The following PCDH15 variants were observed in gnomAD, a reference collection of about 807,000 sequenced individuals.
PCDH15 encodes protocadherin related 15, also known as protocadherin-15.
In PCDH15, 129 loss-of-function variants were observed where a neutral mutation model predicts 178.5. The observed-to-expected ratio is 0.72, with a 90% CI of 0.63 to 0.84. The LOEUF (loss-of-function observed/expected upper bound fraction) is 0.84, where lower values mean the gene tolerates loss of function less well. PCDH15 is among the 40% of genes least tolerant of loss of function. PCDH15 has a pLI of 0.00. For synonymous variants in PCDH15, 800 were observed against 732.0 expected, an observed-to-expected ratio of 1.09 and a Z score of -1.50; for missense variants, 2,230 against 2,099.9, an observed-to-expected ratio of 1.06 and a Z score of -1.21.
At chr10:54,002,343 G>A (rs982758042) in intron 20 of PCDH15, among the ~76,000 whole-genome samples, 4 of 151,988 alleles carry the variant, frequency 2.6e-5, no homozygotes, top group African/African-American at 9.7e-5. Context: ...TAGAACAAAT[G>A]GATCTAACAG....
At chr10:54,445,515 T>C (rs1158773418) in intron 3 of PCDH15, among the ~76,000 whole-genome samples, 1 of 151,594 alleles carries the variant, frequency 6.6e-6, no homozygotes, top group East Asian at 1.9e-4. Context: ...TTTAAAAAAA[T>C]ATGTCATCAT....
Position 54,519,449 on chromosome 10 carries a change from A to T in PCDH15, c.157+8363T>A, listed in dbSNP as rs1267120114. ...AAACAGAGAGCCAAATCATGAGTGA[A>T]CTCCCATTCACAATTGCTTCAAAGA... On this transcript the variant is annotated intron_variant, in intron 3 of 37. Coordinates refer to ENST00000644397, the MANE Select transcript of PCDH15 (RefSeq NM_001384140.1). 2.0e-5 allele frequency among the ~76,000 whole-genome samples: 3 copies of T among 152,072 alleles called. No individual in the cohort carries two copies. The East Asian group carries it at 5.8e-4, about 29-fold the overall frequency.
intron 2 of PCDH15, among the ~76,000 whole-genome samples, chr10:55,136,078 C>T (rs1045250841): frequency 1.3e-5 from 2 of 152,060 alleles, no homozygotes; most frequent in Non-Finnish European, 2.9e-5. Context: ...TTTGTAACAA[C>T]TATAGAGCAA....
rs996873853 is a variant in PCDH15 at position 53,822,811 on chromosome 10, T to C, written c.4368-2581A>G. The C allele has an allele frequency of 6.2e-7, 1 of 1,613,930 alleles. No individual in the cohort carries two copies. Among genetic ancestry groups the C allele is most frequent in the Admixed American group, 1.7e-5 (1 of 59,998 alleles). On this transcript the variant is annotated intron_variant, in intron 32 of 37. Coordinates refer to ENST00000644397, the MANE Select transcript of PCDH15 (RefSeq NM_001384140.1). ...ATCATCAGTGTTTCACCTTGCCTTA[T>C]TTCCTCTTTCTCTGTCAAATTTGCC...
intron 13 of PCDH15, among the ~76,000 whole-genome samples, chr10:54,155,744 C>G (rs1590835685): frequency 6.7e-6 from 1 of 148,930 alleles, no homozygotes; most frequent in African/African-American, 2.5e-5. Context: ...TTGCAGTGAC[C>G]TGAGATCATG....
At chr10:54,298,943 G>T (rs1381903341) in intron 8 of PCDH15, among the ~76,000 whole-genome samples, 3 of 152,232 alleles carry the variant, frequency 2.0e-5, no homozygotes, top group Non-Finnish European at 4.4e-5. Context: ...TGCCCATGCT[G>T]CAATATGGAA....
intron 20 of PCDH15, among the ~76,000 whole-genome samples, chr10:54,017,539 C>T (rs2135248504): frequency 6.6e-6 from 1 of 152,166 alleles, no homozygotes; most frequent in Admixed American, 6.6e-5. Context: ...AATTCAGGAG[C>T]ATAAAACCAA....
At chr10:54,974,809 G>A (rs773022964) in intron 2 of PCDH15, among the ~76,000 whole-genome samples, 24 of 152,108 alleles carry the variant, frequency 1.6e-4, no homozygotes, top group Non-Finnish European at 3.1e-4. Flanking sequence ...ACATTGTCCT[G>A]TTAATGCATA....
intron 1 of PCDH15, among the ~76,000 whole-genome samples, chr10:54,722,836 C>T (rs1941860653): frequency 6.6e-6 from 1 of 151,314 alleles, no homozygotes; most frequent in African/African-American, 2.4e-5. Context: ...TACAATTAAG[C>T]AAAATAGTTA....
chr10:54,720,951 T>A (rs1036319691), intron 1 of PCDH15, among the ~76,000 whole-genome samples: 1 of 152,058 alleles, frequency 6.6e-6, no homozygotes, highest in African/African-American at 2.4e-5. Flanking sequence ...ATTTTATCTT[T>A]GGATAGAGCA....
intron 25 of PCDH15, among the ~76,000 whole-genome samples, chr10:53,904,288 C>T (rs189925644): frequency 5.3e-5 from 8 of 151,940 alleles, no homozygotes; most frequent in Admixed American, 3.3e-4. Context: ...CGGCAATTAA[C>T]GTACATACTA....
rs560668350 is a variant in PCDH15, at chr10:54,588,310, C to T, written c.92-60433G>A. Among the ~76,000 whole-genome samples the T allele has an allele frequency of 2.8e-4, 43 of 152,140 alleles. No homozygotes were observed. The South Asian group carries it at 8.9e-3, about 32-fold the overall frequency. On this transcript the variant is annotated intron_variant, in intron 2 of 37. Coordinates refer to ENST00000644397, the MANE Select transcript of PCDH15 (RefSeq NM_001384140.1). ...ATCCCAACTGGTGACATAATTATTG[C>T]CAATAATATAATAGTAATGACAATA...
intron 2 of PCDH15, among the ~76,000 whole-genome samples, chr10:55,448,630 C>A (rs528974794): frequency 6.6e-6 from 1 of 151,914 alleles, no homozygotes; most frequent in African/African-American, 2.4e-5. Context: ...TGATTAACTA[C>A]GGAAATGTAT....
intron 3 of PCDH15, among the ~76,000 whole-genome samples, chr10:54,833,106 G>T (rs1223058042): frequency 6.6e-6 from 1 of 152,038 alleles, no homozygotes; most frequent in African/African-American, 2.4e-5. Flanking sequence ...CATCACATAC[G>T]TTATCTCATT....
intron 5 of PCDH15, among the ~76,000 whole-genome samples, chr10:54,351,360 C>T (rs1269807641): frequency 2.6e-5 from 4 of 152,084 alleles, no homozygotes. Flanking sequence ...TAGTAGTGAA[C>T]TGAAATAAAT....
intron 8 of PCDH15, among the ~76,000 whole-genome samples, chr10:54,267,109 C>T (rs771313600): frequency 1.1e-4 from 16 of 151,782 alleles, no homozygotes; most frequent in Non-Finnish European, 2.4e-4. Flanking sequence ...TCCTGGGATG[C>T]AAGGGTTGTT....
At chr10:54,795,350 C>T (rs1299082378) in intron 1 of PCDH15, among the ~76,000 whole-genome samples, 1 of 151,786 alleles carries the variant, frequency 6.6e-6, no homozygotes, top group Non-Finnish European at 1.5e-5. Context: ...TGTCCATTCT[C>T]AAAACTATTA....
intron 1 of PCDH15, among the ~76,000 whole-genome samples, chr10:54,771,016 T>A (rs1949027758): frequency 6.6e-6 from 1 of 152,112 alleles, no homozygotes; most frequent in Admixed American, 6.6e-5. Flanking sequence ...CTTTTTCAAA[T>A]TACATCTGTT....
intron 10 of PCDH15, among the ~76,000 whole-genome samples, chr10:54,199,225 A>C (rs191082834): frequency 1.7e-3 from 256 of 152,152 alleles, no homozygotes; most frequent in African/African-American, 6.1e-3. Flanking sequence ...AGGTGTTTCA[A>C]TTTGCTGACC....
Sources: allele counts gnomAD v4.1 joint callset (sites outside exome capture counted in the v4.1 genomes callset), GRCh38; gene constraint gnomAD v4.1.1; transcripts MANE v1.5; gene names NCBI Gene and HGNC (gene_info 2026-07-23, HGNC 2026-07-21).